JMJD1C: variants seen among roughly 807,000 people sequenced by gnomAD.
JMJD1C encodes the protein jumonji domain-containing protein 1C.
A neutral mutation model predicts 245.3 loss-of-function variants in JMJD1C; 31 were observed. The observed-to-expected ratio is 0.13, with a 90% confidence interval of 0.09 to 0.17. The LOEUF is 0.17. JMJD1C is among the 10% of genes least tolerant of loss of function. The pLI, the probability that JMJD1C is intolerant of heterozygous loss-of-function variation, is 1.00. For missense variants in JMJD1C, 2,691 were observed against 3,000.2 expected (o/e 0.90, Z 2.41); for synonymous variants, 1,057 against 1,017.4 (o/e 1.04, Z -0.74).
chr10:63,364,882 T>A (rs995034612), intron 2 of JMJD1C, among the ~76,000 whole-genome samples: 2 of 152,226 alleles, frequency 1.3e-5, no homozygotes, highest in Non-Finnish European at 2.9e-5. Context: ...AATCCCACCA[T>A]ACTACAGCTA....
chr10:63,385,746 T>C (rs993736355), intron 1 of JMJD1C, among the ~76,000 whole-genome samples: 7 of 152,032 alleles, frequency 4.6e-5, no homozygotes, highest in African/African-American at 1.7e-4. Context: ...TCACCTATCA[T>C]AAAACCTCAA....
chr10:63,207,567 A>G lies in JMJD1C; in HGVS notation c.4102T>C (p.Ser1368Pro). The G allele has an allele frequency of 6.8e-6, 11 of 1,614,104 alleles. No individual in the cohort carries two copies. The highest frequency in any genetic ancestry group is 9.3e-6 in the Non-Finnish European group (11 of 1,180,014). Reference sequence around the variant, plus strand: ...GAGACAGCCTGAAAGTTTTTTTCAGATTTTGTGTGAACACTGTCTGAATTC... The same window carrying G: ...GAGACAGCCTGAAAGTTTTTTTCAGGTTTTGTGTGAACACTGTCTGAATTC... ...NVNSDSVHTK[S>P]EKNFQAVSQG... is the part of the protein sequence containing the mutation. The change falls in exon 10 of 26, where the codon TCT (serine) becomes CCT (proline). Residue 1368 changes from serine (S) to proline (P), a missense_variant. Physicochemically the swap from Ser to Pro is moderately conservative, Grantham distance 74. This residue lies in a region of JMJD1C where 1,562 missense variants were observed against 1,490.7 expected (regional missense o/e 1.05). Coordinates refer to ENST00000399262, the MANE Select transcript of JMJD1C (RefSeq NM_032776.3).
At chr10:63,265,567 C>T (rs967738134) in intron 2 of JMJD1C, among the ~76,000 whole-genome samples, 1 of 152,128 alleles carries the variant, frequency 6.6e-6, no homozygotes, top group East Asian at 1.9e-4. Context: ...GACTATCACA[C>T]TCACTTTCAA....
chr10:63,419,879 T>C (rs1458169989), intron 1 of JMJD1C, among the ~76,000 whole-genome samples: 2 of 148,028 alleles, frequency 1.4e-5, no homozygotes, highest in Non-Finnish European at 3.0e-5. Context: ...GGCTCACACC[T>C]GTAATCCCAG....
At chr10:63,322,567 C>T (rs1350405804) in intron 2 of JMJD1C, among the ~76,000 whole-genome samples, 1 of 152,106 alleles carries the variant, frequency 6.6e-6, no homozygotes, top group Non-Finnish European at 1.5e-5. Flanking sequence ...GTACTCCCAG[C>T]ACTTTGGGAG....
chr10:63,243,369 A>G lies in JMJD1C; in HGVS notation c.447+21282T>C, dbSNP rs140082353. ...TGGAGAAGCCCCATCTCTACCAAAA[A>G]TACAAAATTAGCCAGGCATGGTGGT... On this transcript the variant is annotated intron_variant, in intron 3 of 25. Coordinates refer to ENST00000399262, the MANE Select transcript of JMJD1C (RefSeq NM_032776.3). Among the ~76,000 whole-genome samples the G allele has an allele frequency of 5.8e-4, 88 of 151,874 alleles. No individual in the cohort carries two copies. In the East Asian group the frequency reaches 0.011, roughly 20 times the overall value.
At chr10:63,185,717 G>A in intron 19 of JMJD1C, 64 bp from the exon 20 acceptor site, 2 of 892,786 alleles carry the variant, frequency 2.2e-6, no homozygotes, top group South Asian at 1.4e-5. Context: ...ATTAACATTT[G>A]GAAAGAAACG....
intron 2 of JMJD1C, among the ~76,000 whole-genome samples, chr10:63,376,238 A>T (rs866355740): frequency 6.6e-6 from 1 of 151,924 alleles, no homozygotes; most frequent in Non-Finnish European, 1.5e-5. Context: ...ATCTACACGT[A>T]AAAAAAAGCT....
chr10:63,225,793 A>G (rs1450762305), intron 3 of JMJD1C, among the ~76,000 whole-genome samples: 4 of 152,056 alleles, frequency 2.6e-5, no homozygotes, highest in African/African-American at 7.2e-5. Context: ...AAAAAAAAAA[A>G]AAGCTAACCT....
At chr10:63,216,603 G>A (rs1046880729) in intron 5 of JMJD1C, among the ~76,000 whole-genome samples, 6 of 152,036 alleles carry the variant, frequency 3.9e-5, no homozygotes, top group Admixed American at 1.3e-4. Context: ...ACAGCTACTC[G>A]GGAGGCTGAG....
At position 63,217,328 on chromosome 10, in the gene JMJD1C, G is replaced by C. The variant is rs1464601660; in HGVS notation, c.557C>G (p.Pro186Arg). The change falls in exon 5 of 26, where the codon CCT becomes CGT. Residue 186 changes from proline to arginine, a missense_variant. Physicochemically the swap from Pro to Arg is moderately radical, Grantham distance 103. Coordinates refer to ENST00000399262, the MANE Select transcript of JMJD1C (RefSeq NM_032776.3). ...QKVQEIFMQG[P>R]YSLNGYRVRV... ...CACTCTGTATCCATTTAAGGAATAA[G>C]GACCTTAAAAAAAACACAAGAAACA... is the stretch of plus-strand genomic sequence containing the variant. 6.4e-7 allele frequency: 1 copy of C among 1,565,362 alleles called. No individual in the cohort carries two copies. Among genetic ancestry groups the C allele is most frequent in the Non-Finnish European group, 8.6e-7 (1 of 1,160,478 alleles).
chr10:63,293,601 T>C (rs1043138808), intron 2 of JMJD1C, among the ~76,000 whole-genome samples: 1 of 152,306 alleles, frequency 6.6e-6, no homozygotes, highest in African/African-American at 2.4e-5. Context: ...TATAATCACA[T>C]GTGATCTAGC....
chr10:63,422,030 G>T (rs1950156042), intron 1 of JMJD1C, among the ~76,000 whole-genome samples: 1 of 152,146 alleles, frequency 6.6e-6, no homozygotes, highest in African/African-American at 2.4e-5. Context: ...AAAATACAAG[G>T]TGTTAAATTT....
At chr10:63,182,740 C>A (rs983853109) in intron 22 of JMJD1C, among the ~76,000 whole-genome samples, 1 of 151,312 alleles carries the variant, frequency 6.6e-6, no homozygotes, top group Non-Finnish European at 1.5e-5. Context: ...GAGAAAAGAC[C>A]CCCTTCTTCC....
intron 2 of JMJD1C, among the ~76,000 whole-genome samples, chr10:63,347,683 T>C (rs559780160): frequency 7.1e-4 from 107 of 151,564 alleles, no homozygotes; most frequent in African/African-American, 2.4e-3. Flanking sequence ...GAGGCTGAGA[T>C]GGGTAGATCA....
At chr10:63,260,798 G>A (rs1024148232) in intron 3 of JMJD1C, among the ~76,000 whole-genome samples, 2 of 151,592 alleles carry the variant, frequency 1.3e-5, no homozygotes, top group African/African-American at 4.8e-5. Flanking sequence ...TCACCATGTT[G>A]GCCAGGGTGG....
intron 1 of JMJD1C, among the ~76,000 whole-genome samples, chr10:63,478,612 G>A (rs977591587): frequency 6.6e-6 from 1 of 152,098 alleles, no homozygotes; most frequent in African/African-American, 2.4e-5. Context: ...AAGGGAAGAG[G>A]GGCATAGGAG....
chr10:63,322,910 A>G (rs1234992214), intron 2 of JMJD1C, among the ~76,000 whole-genome samples: 2 of 151,546 alleles, frequency 1.3e-5, no homozygotes, highest in Middle Eastern at 3.4e-3. Context: ...TAATTAATAT[A>G]TATTGATGTA....
Position 63,213,656 on chromosome 10 carries a change from TAAC to T in JMJD1C, c.2508_2510del (p.Leu837del). ...CAAGAAGATGAGGTGACTGGTGCTGTAACAACTGTTGTTGTTGCTGGTGTGCTA... is the reference window on the plus strand; with the variant it reads ...CAAGAAGATGAGGTGACTGGTGCTGTAACTGTTGTTGTTGCTGGTGTGCTA... On this transcript the variant is annotated inframe_deletion, in exon 8 of 26. Transcript: ENST00000399262. 1 of 1,614,202 alleles carries T rather than the reference TAAC, an allele frequency of 6.2e-7. No homozygotes were observed.
Sources: allele counts gnomAD v4.1 joint callset (sites outside exome capture counted in the v4.1 genomes callset), GRCh38; gene constraint gnomAD v4.1.1; regional missense constraint gnomAD v4.1.1; transcripts MANE v1.5; gene names NCBI Gene and HGNC (gene_info 2026-07-23, HGNC 2026-07-21).